Variants in SPATA16 observed in about 807,000 individuals in gnomAD.
SPATA16 encodes spermatogenesis-associated protein 16.
In SPATA16, 36 loss-of-function variants were observed where a neutral mutation model predicts 63.3. The observed-to-expected ratio is 0.57, with a 90% CI of 0.44 to 0.75. The LOEUF (loss-of-function observed/expected upper bound fraction) is 0.75. Ranked by LOEUF, SPATA16 falls within the 30% of genes least tolerant of loss-of-function variation. The probability of loss-of-function intolerance (pLI) is 0.00; values close to 1 mark genes in which losing one functional copy is unlikely to be tolerated. For synonymous variants in SPATA16, 203 were observed against 216.7 expected (o/e 0.94, Z 0.56); for missense variants, 646 against 679.3 (o/e 0.95, Z 0.54).
chr3:172,980,407 G>T (rs1453362041), intron 4 of SPATA16, among the ~76,000 whole-genome samples: 2 of 152,142 alleles, frequency 1.3e-5, no homozygotes, highest in Non-Finnish European at 1.5e-5. Context: ...TGTTGCTTCC[G>T]ACTATTTTCA....
chr3:173,126,045 ATTC>A (rs1738218549), intron 1 of SPATA16, among the ~76,000 whole-genome samples: 1 of 141,294 alleles, frequency 7.1e-6, no homozygotes, highest in Non-Finnish European at 1.6e-5. Flanking sequence ...TAGCATCCTG[ATTC>A]TTTTTTCTTA....
intron 3 of SPATA16, among the ~76,000 whole-genome samples, chr3:173,031,604 T>A (rs1057269094): frequency 6.6e-6 from 1 of 152,048 alleles, no homozygotes; most frequent in Non-Finnish European, 1.5e-5. Flanking sequence ...GTTGGCATAG[T>A]ACTAAATCTC....
At chr3:173,137,446 A>T (rs578234756) in intron 1 of SPATA16, among the ~76,000 whole-genome samples, 2 of 152,206 alleles carry the variant, frequency 1.3e-5, no homozygotes, top group Non-Finnish European at 2.9e-5. Flanking sequence ...GACAAATTCT[A>T]TAACAACAGA....
At chr3:173,040,462 G>A (rs1276516782) in intron 3 of SPATA16, among the ~76,000 whole-genome samples, 2 of 152,220 alleles carry the variant, frequency 1.3e-5, no homozygotes, top group South Asian at 2.1e-4. Flanking sequence ...TAAAAGTTGT[G>A]TTGTGTCAAT....
At chr3:173,111,212 G>A (rs758142620) in intron 2 of SPATA16, among the ~76,000 whole-genome samples, 8 of 152,072 alleles carry the variant, frequency 5.3e-5, no homozygotes, top group Admixed American at 2.0e-4. Flanking sequence ...GATTGTATGA[G>A]TAAAAGTGCC....
At chr3:173,031,409 G>C (rs1735605726) in intron 3 of SPATA16, among the ~76,000 whole-genome samples, 1 of 150,162 alleles carries the variant, frequency 6.7e-6, no homozygotes, top group Non-Finnish European at 1.5e-5. Context: ...ATGAAAAGAG[G>C]GTCGCATAGC....
intron 3 of SPATA16, among the ~76,000 whole-genome samples, chr3:173,039,215 A>G (rs1167062328): frequency 1.3e-5 from 2 of 152,154 alleles, no homozygotes; most frequent in Non-Finnish European, 2.9e-5. Flanking sequence ...GTTGCAGAAA[A>G]GCCTAAATGA....
In SPATA16 at chr3:172,961,069, TCTTCCTTC is replaced by T. The variant is rs770794784; in HGVS notation, c.934-4253_934-4246del. The stretch of plus-strand genomic sequence containing the variant: ...CTTTCTTCTTTCTTTCTTTCTTCTT[TCTTCCTTC>T]CTTCCTTCCTTCCTTCCTTCCTTCC... On this transcript the variant is annotated intron_variant, in intron 5 of 10. Transcript: ENST00000351008. 1.1e-3 allele frequency among the ~76,000 whole-genome samples: 77 copies of T among 72,382 alleles called. 2 individuals carry two copies. The highest frequency in any genetic ancestry group is 4.5e-3 in the South Asian group (8 of 1,772). The allele number at this position is 72,382 out of a possible 152,430, so 47.5% of individuals were successfully genotyped here.
At chr3:173,020,373 A>T (rs1735298088) in intron 3 of SPATA16, among the ~76,000 whole-genome samples, 1 of 151,740 alleles carries the variant, frequency 6.6e-6, no homozygotes, top group Non-Finnish European at 1.5e-5. Flanking sequence ...GTTTTCTCCC[A>T]GCTGGGTGTA....
chr3:173,036,930 T>C (rs1735726063), intron 3 of SPATA16, among the ~76,000 whole-genome samples: 1 of 152,050 alleles, frequency 6.6e-6, no homozygotes, highest in African/African-American at 2.4e-5. Context: ...TAAATAAATA[T>C]GTTTTAATTT....
At chr3:172,899,309 C>T (rs74416619) in intron 10 of SPATA16, among the ~76,000 whole-genome samples, 3,051 of 152,032 alleles carry the variant, frequency 0.02, 109 homozygotes, top group African/African-American at 0.07. Flanking sequence ...TTTGCAGACC[C>T]TCTTGTTTGT....
intron 2 of SPATA16, among the ~76,000 whole-genome samples, chr3:173,098,832 C>A (rs538756923): frequency 6.6e-6 from 1 of 152,042 alleles, no homozygotes; most frequent in Non-Finnish European, 1.5e-5. Context: ...GCATTAAAGC[C>A]GCCCATATGA....
At chr3:173,094,793 G>A (rs370300705) in intron 2 of SPATA16, among the ~76,000 whole-genome samples, 198 of 151,122 alleles carry the variant, frequency 1.3e-3, no homozygotes, top group Admixed American at 2.0e-3. Context: ...TGGGCAGGCC[G>A]TAGGGCTAAG....
chr3:172,999,399 C>A (rs992667478), intron 4 of SPATA16, among the ~76,000 whole-genome samples: 2 of 132,132 alleles, frequency 1.5e-5, no homozygotes, highest in African/African-American at 5.1e-5. Flanking sequence ...TATTTCATTT[C>A]TTTCTTTCTT....
chr3:172,959,787 CATATATATATATATATATAT>C (rs66806016), intron 5 of SPATA16, among the ~76,000 whole-genome samples: 1 of 135,534 alleles, frequency 7.4e-6, no homozygotes, highest in East Asian at 2.1e-4. Context: ...AGTAATATAA[CATATATATATATATATATAT>C]ATATATATAT....
At chr3:173,098,016 A>G (rs34088589) in intron 2 of SPATA16, among the ~76,000 whole-genome samples, 17,928 of 152,156 alleles carry the variant, frequency 0.12, 1,097 homozygotes, top group African/African-American at 0.13. Context: ...CAGAGAGAAG[A>G]AGCCACATAC....
intron 4 of SPATA16, among the ~76,000 whole-genome samples, chr3:173,010,472 T>TGTGTGTGTGTG (rs1281653533): frequency 8.7e-5 from 9 of 103,752 alleles, no homozygotes; most frequent in African/African-American, 3.4e-4. Context: ...GTGTGTGTGT[T>TGTGTGTGTGTG]TGTTTTTGTT....
intron 7 of SPATA16, among the ~76,000 whole-genome samples, chr3:172,924,524 T>C (rs1009003486): frequency 6.6e-6 from 1 of 152,200 alleles, no homozygotes; most frequent in Non-Finnish European, 1.5e-5. Flanking sequence ...TTCGACACTA[T>C]CATTTATTTA....
At chr3:172,930,624 T>A (rs190404247) in intron 6 of SPATA16, among the ~76,000 whole-genome samples, 1 of 145,412 alleles carries the variant, frequency 6.9e-6, no homozygotes, top group East Asian at 2.1e-4. Context: ...GGTGGCGCGA[T>A]CTCAGCTCCC....
Sources: allele counts gnomAD v4.1 joint callset (sites outside exome capture counted in the v4.1 genomes callset), GRCh38; gene constraint gnomAD v4.1.1; transcripts MANE v1.5; gene names NCBI Gene and HGNC (gene_info 2026-07-23, HGNC 2026-07-21).